BCAS3: variants seen among roughly 807,000 people sequenced by gnomAD.
BCAS3 encodes the protein BCAS3 microtubule associated cell migration factor, also known as BCAS4/BCAS3 fusion.
BCAS3 carries 53 observed loss-of-function variants against 116.1 expected under a neutral mutation model. That is an observed-to-expected ratio of 0.46 (90% CI 0.37 to 0.57). The LOEUF is 0.57. BCAS3 is among the 20% of genes least tolerant of loss of function. The pLI is 0.00. For missense variants in BCAS3, 917 were observed against 1,165.4 expected, an observed-to-expected ratio of 0.79 and a Z score of 3.10; for synonymous variants, 391 against 408.2, an observed-to-expected ratio of 0.96 and a Z score of 0.51.
intron 20 of BCAS3, among the ~76,000 whole-genome samples, chr17:61,075,926 G>T (rs1034197258): frequency 4.0e-5 from 6 of 151,698 alleles, no homozygotes; most frequent in South Asian, 4.2e-4. Flanking sequence ...TGTTTTTTTT[G>T]TTTGTTTTTT....
rs1331660527 is a variant in BCAS3 at position 61,095,361 on chromosome 17, G to A, written c.2425+10797G>A. Among the ~76,000 whole-genome samples, 3 of 152,082 alleles carry A rather than the reference G, an allele frequency of 2.0e-5. No individual in the cohort carries two copies. The highest frequency in any genetic ancestry group is 4.8e-5 in the African/African-American group (2 of 41,398). ...ATGTAATTGATATTTCTACATAGAG[G>A]CTTTATCATTGTTTTTAAATTAGCT... On this transcript the variant is annotated intron_variant, in intron 22 of 23. Coordinates refer to ENST00000407086, the MANE Select transcript of BCAS3 (RefSeq NM_017679.5). The surrounding 1 kb of genome is among the most constrained non-coding windows in gnomAD (Gnocchi z 4.7).
chr17:60,742,151 T>G (rs1297255714), intron 5 of BCAS3, among the ~76,000 whole-genome samples: 2 of 152,222 alleles, frequency 1.3e-5, no homozygotes, highest in Non-Finnish European at 2.9e-5. Flanking sequence ...ATGTACTGTT[T>G]GGAATAATCT....
Position 61,029,260 on chromosome 17 carries a change from T to C in BCAS3, c.1638-5406T>C, listed in dbSNP as rs566193247. On this transcript the variant is annotated intron_variant, in intron 16 of 23. Transcript: ENST00000407086. The surrounding 1 kb of genome is among the most constrained non-coding windows in gnomAD (Gnocchi z 5.2). ...TATCACAATTTCTGCTAGTTCTTTA[T>C]TCTCCATTAAACAGGTTTAGTCCTT... Among the ~76,000 whole-genome samples, 1 of 152,100 alleles carries C rather than the reference T, an allele frequency of 6.6e-6. No individual in the cohort carries two copies. The highest frequency in any genetic ancestry group is 2.4e-5 in the African/African-American group (1 of 41,564).
intron 22 of BCAS3, among the ~76,000 whole-genome samples, chr17:61,338,753 T>G (rs2056911077): frequency 6.6e-6 from 1 of 152,032 alleles, no homozygotes; most frequent in South Asian, 2.1e-4. Flanking sequence ...GTGTCCTCAC[T>G]CTGAGTAACG....
chr17:61,200,267 G>A lies in BCAS3; in HGVS notation c.2425+115703G>A, dbSNP rs764308597. ...CAGAAGGAGTCAGAGTGGTCTGAGC[G>A]AATGAGAAGGAGATTAATATTAATA... On this transcript the variant is annotated intron_variant, in intron 22 of 23. Coordinates refer to ENST00000407086, the MANE Select transcript of BCAS3 (RefSeq NM_017679.5). The surrounding 1 kb of genome is among the most constrained non-coding windows in gnomAD (Gnocchi z 5.1). Among the ~76,000 whole-genome samples, 1 of 152,168 alleles carries A rather than the reference G, an allele frequency of 6.6e-6. No homozygotes were observed.
intron 22 of BCAS3, among the ~76,000 whole-genome samples, chr17:61,117,291 G>A (rs1391344966): frequency 1.3e-5 from 2 of 152,026 alleles, no homozygotes; most frequent in Non-Finnish European, 2.9e-5. Flanking sequence ...GTATTTTTCA[G>A]TTCTAAAATT....
At chr17:60,860,872 A>G (rs2054100305) in intron 7 of BCAS3, among the ~76,000 whole-genome samples, 1 of 152,198 alleles carries the variant, frequency 6.6e-6, no homozygotes. Flanking sequence ...TATCAGTACC[A>G]TGCTATTTTG....
intron 22 of BCAS3, among the ~76,000 whole-genome samples, chr17:61,173,483 AT>A (rs1381305439): frequency 2.0e-5 from 3 of 152,112 alleles, no homozygotes; most frequent in Non-Finnish European, 4.4e-5. Flanking sequence ...CTAAATGAAA[AT>A]TAAAACATAT....
chr17:61,157,803 C>T lies in BCAS3; in HGVS notation c.2425+73239C>T, dbSNP rs8069097. ...AACGGACACTGTTTCTCCTAAACAA[C>T]TCCCTTGGTGCAGGAAGACCTTGTC... On this transcript the variant is annotated intron_variant, in intron 22 of 23. Transcript: ENST00000407086. Among the ~76,000 whole-genome samples the T allele has an allele frequency of 2.6e-3, 390 of 152,314 alleles. 5 individuals carry two copies. Among genetic ancestry groups the T allele is most frequent in the Middle Eastern group, 0.01 (3 of 294 alleles).
At chr17:61,093,543 C>T (rs796883854) in intron 22 of BCAS3, among the ~76,000 whole-genome samples, 3 of 152,092 alleles carry the variant, frequency 2.0e-5, no homozygotes, top group Non-Finnish European at 4.4e-5. Flanking sequence ...GCTGTGATCA[C>T]GCCACTGCAC....
chr17:61,339,720 C>T lies in BCAS3; in HGVS notation c.2426-28607C>T, dbSNP rs969097154. The stretch of plus-strand genomic sequence containing the variant: ...GGTGGCGGTTACAGTGAGCTGAGAT[C>T]GCGCCACTGTACTCCAGTCGGGGCG... On this transcript the variant is annotated intron_variant, in intron 22 of 23. Coordinates refer to ENST00000407086, the MANE Select transcript of BCAS3 (RefSeq NM_017679.5). This position sits in a 1 kb window ranked among gnomAD's most constrained non-coding sequence, Gnocchi z 4.4. 3.3e-5 allele frequency among the ~76,000 whole-genome samples: 5 copies of T among 150,746 alleles called. No individual in the cohort carries two copies. Among genetic ancestry groups the T allele is most frequent in the African/African-American group, 9.8e-5 (4 of 40,904 alleles).
intron 22 of BCAS3, among the ~76,000 whole-genome samples, chr17:61,275,514 A>C (rs1051157948): frequency 6.6e-6 from 1 of 151,656 alleles, no homozygotes; most frequent in Non-Finnish European, 1.5e-5. Context: ...ACCCATGTGC[A>C]TTTCTCAGCC....
chr17:60,806,744 T>TA (rs1273460344), intron 6 of BCAS3, among the ~76,000 whole-genome samples: 1 of 151,964 alleles, frequency 6.6e-6, no homozygotes, highest in Admixed American at 6.6e-5. Context: ...TGTTTGTAGA[T>TA]ACAGAGTTTT....
In BCAS3 at chr17:60,727,507, A is replaced by G. The variant is rs112949741; in HGVS notation, c.321+18182A>G. ...TCTTTGCAGCAGGGCTGTTCCGTCT[A>G]TGTGATGAAAACGAGAAATGGCATC... On this transcript the variant is annotated intron_variant, in intron 5 of 23. Coordinates refer to ENST00000407086, the MANE Select transcript of BCAS3 (RefSeq NM_017679.5). 8.3e-3 allele frequency: 12,023 copies of G among 1,445,778 alleles called. 907 individuals carry two copies. In the African/African-American group the frequency reaches 0.15, roughly 18 times the overall value. The allele number at this position is 1,445,778 out of a possible 1,614,324, so 89.6% of individuals were successfully genotyped here.
At chr17:61,074,818 T>G (rs2071799069) in intron 19 of BCAS3, 102 bp from the exon 20 acceptor site, 2 of 618,390 alleles carry the variant, frequency 3.2e-6, no homozygotes, top group African/African-American at 3.8e-5. Context: ...AGTATTATAT[T>G]TTATCTTATA....
At position 61,056,271 on chromosome 17, in the gene BCAS3, G is replaced by T. The variant is rs889006457; in HGVS notation, c.2029+15379G>T. Among the ~76,000 whole-genome samples, 2 of 152,208 alleles carry T rather than the reference G, an allele frequency of 1.3e-5. No homozygotes were observed. Among genetic ancestry groups the T allele is most frequent in the African/African-American group, 4.8e-5 (2 of 41,464 alleles). On this transcript the variant is annotated intron_variant, in intron 19 of 23. Transcript: ENST00000407086. The surrounding 1 kb of genome is among the most constrained non-coding windows in gnomAD (Gnocchi z 4.9). ...TCCAGAGCTTTACATGGTGTCAACT[G>T]AAGGACAGCCTTCCGCGAGTTGGAG...
At position 61,023,510 on chromosome 17, in the gene BCAS3, G is replaced by T. The variant is rs2066015608; in HGVS notation, c.1637+7609G>T. Among the ~76,000 whole-genome samples the T allele has an allele frequency of 1.3e-5, 2 of 152,170 alleles. No individual in the cohort carries two copies. The highest frequency in any genetic ancestry group is 4.8e-5 in the African/African-American group (2 of 41,432). On this transcript the variant is annotated intron_variant, in intron 16 of 23. Transcript: ENST00000407086. The surrounding 1 kb of genome is among the most constrained non-coding windows in gnomAD (Gnocchi z 4.8). ...CTAATACCTTTTAGCACTAGAGTCA[G>T]ATTATAGAGGATTGGAGGATTTCAA... is the stretch of plus-strand genomic sequence containing the variant.
In BCAS3 at chr17:60,995,431, G is replaced by C. The variant is rs894523541; in HGVS notation, c.1486+5196G>C. Among the ~76,000 whole-genome samples the C allele has an allele frequency of 3.3e-5, 5 of 152,008 alleles. No individual in the cohort carries two copies. Among genetic ancestry groups the C allele is most frequent in the African/African-American group, 1.2e-4 (5 of 41,364 alleles). On this transcript the variant is annotated intron_variant, in intron 15 of 23. Transcript: ENST00000407086. The surrounding 1 kb of genome is among the most constrained non-coding windows in gnomAD (Gnocchi z 4.7). ...CCCACCGTGGCCTCCCAAAGTGCTG[G>C]GATTACAGACATGAGCCACCGCGCC...
chr17:61,172,250 C>G (rs1045959093), intron 22 of BCAS3, among the ~76,000 whole-genome samples: 2 of 152,188 alleles, frequency 1.3e-5, no homozygotes, highest in Admixed American at 1.3e-4. Flanking sequence ...TAATCACCAA[C>G]TTAATCTAGT....
Sources: allele counts gnomAD v4.1 joint callset (sites outside exome capture counted in the v4.1 genomes callset), GRCh38; gene constraint gnomAD v4.1.1; non-coding constraint Gnocchi (gnomAD v3.1); transcripts MANE v1.5; gene names NCBI Gene and HGNC (gene_info 2026-07-23, HGNC 2026-07-21).